DPF1: variants seen among roughly 807,000 people sequenced by gnomAD.
DPF1 encodes the protein double PHD fingers 1, also known as zinc finger protein neuro-d4.
A neutral mutation model predicts 58.7 loss-of-function variants in DPF1; 14 were observed. That is an observed-to-expected ratio of 0.24 (90% CI 0.16 to 0.37). The LOEUF (loss-of-function observed/expected upper bound fraction) is 0.37. Among genes scored for constraint, DPF1 ranks in the 10% least tolerant of loss-of-function variants. The pLI is 1.00. For synonymous variants in DPF1, 216 were observed against 216.0 expected (o/e 1.00, Z 0.00); for missense variants, 345 against 529.9 (o/e 0.65, Z 3.43).
In DPF1 at chr19:38,229,673, G is replaced by A. The variant is rs1347723110; in HGVS notation, c.-246C>T. 3 of 586,068 alleles carry A rather than the reference G, an allele frequency of 5.1e-6. No individual in the cohort carries two copies. Among genetic ancestry groups the A allele is most frequent in the Non-Finnish European group, 4.3e-6 (2 of 465,032 alleles). 36.3% of individuals were successfully genotyped at this position (586,068 alleles called of 1,614,324 possible). On this transcript the variant is annotated 5_prime_UTR_variant, in exon 1 of 12. Transcript: ENST00000412732. This position sits in a 1 kb window ranked among gnomAD's most constrained non-coding sequence, Gnocchi z 5.3. ...CAGCCCGGCCTGCGCCGCCCGCTCT[G>A]CCGCCCAGCGCGCTACGATTTCATT...
chr19:38,223,005 C>T, intron 1 of DPF1: 1 of 411,054 alleles, frequency 2.4e-6, no homozygotes, highest in East Asian at 4.2e-5. Context: ...ACACACAACA[C>T]AAATCACACA....
chr19:38,222,639 C>G lies in DPF1; in HGVS notation c.99G>C (p.Glu33Asp). Reference protein sequence around the residue: ...CRSYNARLCAERSLRLPFLDS... With the variant: ...CRSYNARLCADRSLRLPFLDS... ...CGAGGAAGGGCAGTCGCAGGCTGCGCTCGGCGCACAGGCGCGCGTTGTAAC... is the reference window on the plus strand; with the variant it reads ...CGAGGAAGGGCAGTCGCAGGCTGCGGTCGGCGCACAGGCGCGCGTTGTAAC... The change falls in exon 2 of 12, where the codon GAG (glutamate) becomes GAC (aspartate). Residue 33 changes from glutamate (E) to aspartate (D), a missense_variant. By Grantham distance (45) the Glu-to-Asp change is conservative. Coordinates refer to ENST00000355526, the MANE Select transcript of DPF1 (RefSeq NM_001135155.3). This position sits in a 1 kb window ranked among gnomAD's most constrained non-coding sequence, Gnocchi z 4.9. The G allele has an allele frequency of 1.2e-6, 2 of 1,610,204 alleles. No individual in the cohort carries two copies. The highest frequency in any genetic ancestry group is 1.7e-6 in the Non-Finnish European group (2 of 1,178,556).
chr19:38,216,442 G>A (rs765084077), intron 7 of DPF1, 39 bp from the exon 8 acceptor site: 3 of 1,543,714 alleles, frequency 1.9e-6, no homozygotes, highest in Non-Finnish European at 2.6e-6. Context: ...TCTCACCACA[G>A]GCAAGGCTCC....
upstream of DPF1, among the ~76,000 whole-genome samples, chr19:38,226,644 G>A (rs190498576): frequency 6.6e-6 from 1 of 152,040 alleles, no homozygotes; most frequent in Non-Finnish European, 1.5e-5. Context: ...TTCACATATG[G>A]CCTGGAGTGG....
chr19:38,224,267 C>G, upstream of DPF1: 3 of 1,259,864 alleles, frequency 2.4e-6, no homozygotes, highest in South Asian at 6.3e-5. This position sits in a 1 kb window ranked among gnomAD's most constrained non-coding sequence, Gnocchi z 4.5. Context: ...CACGGCCAAT[C>G]GCGGCGACGG....
chr19:38,216,145 C>T lies in DPF1; in HGVS notation c.893G>A (p.Arg298Gln). The T allele has an allele frequency of 1.2e-6, 2 of 1,612,606 alleles. No individual in the cohort carries two copies. The highest frequency in any genetic ancestry group is 1.7e-6 in the Non-Finnish European group (2 of 1,179,174). ...CCTCAGGTGGGGAGCATCACCTGAT[C>T]GCCCACAGTCCGCACAGGAGATGAG... The part of the protein sequence containing the change: ...EDLISCADCG[R>Q]SGHPSCLQFT... Residue 298 changes from arginine to glutamine, a missense_variant, in exon 9 of 12, where the codon CGA becomes CAA. Physicochemically the swap from Arg to Gln is conservative, Grantham distance 43 (BLOSUM62 1). Coordinates refer to ENST00000355526, the MANE Select transcript of DPF1 (RefSeq NM_001135155.3).
intron 11 of DPF1, 26 bp downstream of exon 11, chr19:38,212,254 C>T (rs768972626): frequency 2.6e-5 from 28 of 1,072,864 alleles, no homozygotes; most frequent in Middle Eastern, 5.4e-4. Context: ...CCACCCGCCC[C>T]ATGGGATGCC....
At chr19:38,212,238 T>TGGGGGGC in intron 11 of DPF1, 42 bp downstream of exon 11, 2 of 585,172 alleles carry the variant, frequency 3.4e-6, no homozygotes, top group Admixed American at 2.5e-5. Flanking sequence ...GAGATGGCGT[T>TGGGGGGC]CCCACCCACC....
At chr19:38,216,479 G>T in intron 7 of DPF1, 76 bp from the exon 8 acceptor site, 1 of 1,482,872 alleles carries the variant, frequency 6.7e-7, no homozygotes, top group Non-Finnish European at 9.0e-7. Flanking sequence ...CAGCCCCAAG[G>T]ATGGACCTCT....
chr19:38,224,267 C>T (rs1967717103), upstream of DPF1: 7 of 1,259,864 alleles, frequency 5.6e-6, no homozygotes, highest in Non-Finnish European at 7.0e-6. The surrounding 1 kb of genome is among the most constrained non-coding windows in gnomAD (Gnocchi z 4.5). Context: ...CACGGCCAAT[C>T]GCGGCGACGG....
chr19:38,217,396 C>CCCCAGGGGG, intron 7 of DPF1, 64 bp downstream of exon 7: 1 of 1,225,742 alleles, frequency 8.2e-7, no homozygotes, highest in African/African-American at 1.6e-5. Flanking sequence ...CCCCCACCCC[C>CCCCAGGGGG]AGCTGGGCTC....
At chr19:38,229,222 C>T (rs1175494802), upstream of DPF1, among the ~76,000 whole-genome samples, 3 of 152,072 alleles carry the variant, frequency 2.0e-5, no homozygotes, top group Non-Finnish European at 4.4e-5. The surrounding 1 kb of genome is among the most constrained non-coding windows in gnomAD (Gnocchi z 5.3). Context: ...CCGGGGCAGG[C>T]CCGGCACCTC....
At chr19:38,217,393 C>CTGG in intron 7 of DPF1, 67 bp downstream of exon 7, 1 of 1,097,196 alleles carries the variant, frequency 9.1e-7, no homozygotes, top group Non-Finnish European at 1.3e-6. Flanking sequence ...CCACCCCCAC[C>CTGG]CCCAGCTGGG....
rs1244103322 is a variant in DPF1 at position 38,222,505 on chromosome 19, G to A, written c.191-41C>T. ...GGTGAGAGGGCGGCGGCGGTGGGGC[G>A]GCCTGGCCCCGCCCCGCCCTGCGCC... is the stretch of plus-strand genomic sequence containing the variant. On this transcript the variant is annotated intron_variant, in intron 2 of 11. Transcript: ENST00000355526. This position sits in a 1 kb window ranked among gnomAD's most constrained non-coding sequence, Gnocchi z 4.9. The A allele has an allele frequency of 2.0e-5, 32 of 1,588,794 alleles. No homozygotes were observed. Among genetic ancestry groups the A allele is most frequent in the Non-Finnish European group, 2.6e-5 (30 of 1,171,636 alleles).
intron 3 of DPF1, among the ~76,000 whole-genome samples, chr19:38,221,454 C>A (rs754501562): frequency 6.6e-6 from 1 of 151,850 alleles, no homozygotes; most frequent in East Asian, 1.9e-4. Flanking sequence ...ACAGGAGAAT[C>A]GCTTGAACCC....
chr19:38,226,525 CA>C (rs1967829884), upstream of DPF1, among the ~76,000 whole-genome samples: 2 of 150,746 alleles, frequency 1.3e-5, no homozygotes, highest in Admixed American at 1.3e-4. Flanking sequence ...CACACACACA[CA>C]CACACACACA....
In DPF1 at chr19:38,222,756, A is replaced by C; in HGVS notation, c.30-48T>G. On this transcript the variant is annotated intron_variant, in intron 1 of 11. Coordinates refer to ENST00000355526, the MANE Select transcript of DPF1 (RefSeq NM_001135155.3). The surrounding 1 kb of genome is among the most constrained non-coding windows in gnomAD (Gnocchi z 4.9). ...GGCGGCTGTCAGCAAGGGCAGGCGC[A>C]CAGGGTCGCCCAGCACCCCTTCCCC... The C allele has an allele frequency of 1.3e-6, 2 of 1,512,520 alleles. No individual in the cohort carries two copies. The highest frequency in any genetic ancestry group is 1.8e-6 in the Non-Finnish European group (2 of 1,129,924). 93.7% of individuals were successfully genotyped at this position (1,512,520 alleles called of 1,614,324 possible).
intron 3 of DPF1, among the ~76,000 whole-genome samples, chr19:38,220,349 C>T (rs1197900886): frequency 6.6e-6 from 1 of 151,700 alleles, no homozygotes; most frequent in Admixed American, 6.6e-5. Context: ...AGGCCGGGTG[C>T]GGTGGCTCAC....
At chr19:38,221,993 G>T (rs908586451) in intron 3 of DPF1, among the ~76,000 whole-genome samples, 2 of 152,104 alleles carry the variant, frequency 1.3e-5, no homozygotes, top group African/African-American at 4.8e-5. Context: ...AGGCAGAATC[G>T]CTTGAACCTG....
Sources: allele counts gnomAD v4.1 joint callset (sites outside exome capture counted in the v4.1 genomes callset), GRCh38; gene constraint gnomAD v4.1.1; non-coding constraint Gnocchi (gnomAD v3.1); transcripts MANE v1.5; gene names NCBI Gene and HGNC (gene_info 2026-07-23, HGNC 2026-07-21).